KRT85: variants seen among roughly 807,000 people sequenced by gnomAD.
The protein encoded by KRT85 is keratin 85, also known as keratin, type II cuticular Hb5.
Under a neutral mutation model 53.7 loss-of-function variants are expected in KRT85, and 39 were observed. The ratio of observed to expected loss-of-function variants is 0.73; its 90% CI spans 0.56 to 0.95. The LOEUF (loss-of-function observed/expected upper bound fraction) is 0.95. Among genes scored for constraint, KRT85 ranks in the 40% least tolerant of loss-of-function variants. KRT85 has a pLI of 0.00. For missense variants in KRT85, 668 were observed against 686.0 expected (o/e 0.97, Z 0.29); for synonymous variants, 291 against 277.5 (o/e 1.05, Z -0.48).
chr12:52,366,834 G>C, intron 1 of KRT85, 152 bp downstream of exon 1: 1 of 1,313,328 alleles, frequency 7.6e-7, no homozygotes, highest in South Asian at 1.2e-5. Flanking sequence ...GGAGTTAAGT[G>C]ATGGAAACTG....
At position 52,363,550 on chromosome 12, in the gene KRT85, A is replaced by G. The variant is rs983468380; in HGVS notation, c.787-140T>C. ...ACTCCTGCTCCTACCACCTTCACTC[A>G]TGCACAGGCTCCTTAAAAACAACAA... On this transcript the variant is annotated intron_variant, in intron 4 of 8. Coordinates refer to ENST00000257901, the MANE Select transcript of KRT85 (RefSeq NM_002283.4). 3 of 875,928 alleles carry G rather than the reference A, an allele frequency of 3.4e-6. No individual in the cohort carries two copies. The African/African-American group carries it at 5.0e-5, about 15-fold the overall frequency. The allele number at this position is 875,928 out of a possible 1,614,324, so 54.3% of individuals were successfully genotyped here. A position where few individuals can be genotyped will look rare whatever the true frequency, so the allele number is the denominator to read the frequency against.
rs1479721796 is a variant in KRT85, at chr12:52,364,134, T to C, written c.720A>G (p.Ser240=). 6.2e-7 allele frequency: 1 copy of C among 1,614,178 alleles called. No individual in the cohort carries two copies. Among genetic ancestry groups the C allele is most frequent in the South Asian group, 1.1e-5 (1 of 91,078 alleles). ...KDVDCAYLRK[S]DLEANVEALV... Reference sequence around the variant, plus strand: ...GGGCCTCCACATTGGCCTCCAGGTCTGATTTCCGCAGGTAGGCACAGTCCA... The same window carrying C: ...GGGCCTCCACATTGGCCTCCAGGTCCGATTTCCGCAGGTAGGCACAGTCCA... Residue 240 remains serine (S), a synonymous_variant, in exon 4 of 9, where the codon TCA becomes TCG. Transcript: ENST00000257901.
chr12:52,360,530 C>T lies in KRT85; in HGVS notation c.*323G>A, dbSNP rs570560873. 1.0e-5 allele frequency: 4 copies of T among 381,088 alleles called. No homozygotes were observed. In the Admixed American group the frequency reaches 1.6e-4, roughly 15 times the overall value. The allele number at this position is 381,088 out of a possible 1,614,324, so 23.6% of individuals were successfully genotyped here. On this transcript the variant is annotated 3_prime_UTR_variant, in exon 9 of 9. Transcript: ENST00000257901. ...GAAGGTGGAGCTTCCGTGCTGACCA[C>T]CACGCTGGGGGACTGGTCTTGTCCC...
intron 7 of KRT85, 108 bp downstream of exon 7, chr12:52,362,143 T>G (rs1939199633): frequency 2.3e-6 from 3 of 1,319,172 alleles, no homozygotes; most frequent in Non-Finnish European, 3.3e-6. Context: ...TTGAAGCTAT[T>G]GTATTAGCCA....
At chr12:52,363,176 T>A in intron 5 of KRT85, 70 bp downstream of exon 5, 1 of 1,598,506 alleles carries the variant, frequency 6.3e-7, no homozygotes, top group Non-Finnish European at 8.6e-7. Context: ...GCAAGAGAAA[T>A]CTTTTCTAAT....
At chr12:52,364,011 C>T (rs1026997217) in intron 4 of KRT85, 57 bp downstream of exon 4, 8 of 1,328,402 alleles carry the variant, frequency 6.0e-6, no homozygotes, top group Non-Finnish European at 8.7e-6. Flanking sequence ...CTCACTGCTC[C>T]CCTGTCTCCA....
Position 52,365,063 on chromosome 12 carries a change from G to T in KRT85, c.528C>A (p.Ile176=). Residue 176 remains isoleucine (I), a synonymous_variant, in exon 2 of 9, where the codon ATC becomes ATA. Transcript: ENST00000257901. The stretch of plus-strand genomic sequence containing the variant: ...ACTCGGCCTCCCGCCGCAGAGTCTC[G>T]ATGTAGCCACTGAACAGTGGCTCCA... ...SNLEPLFSGY[I]ETLRREAECV... 1 of 1,613,838 alleles carries T rather than the reference G, an allele frequency of 6.2e-7. No homozygotes were observed. Among genetic ancestry groups the T allele is most frequent in the East Asian group, 2.2e-5 (1 of 44,886 alleles).
At chr12:52,362,212 C>T (rs1354674193) in intron 7 of KRT85, 39 bp downstream of exon 7, 4 of 1,613,974 alleles carry the variant, frequency 2.5e-6, no homozygotes, top group South Asian at 2.2e-5. Context: ...GGACCACAGC[C>T]TCCACCTCTG....
At chr12:52,366,857 G>C in intron 1 of KRT85, 129 bp downstream of exon 1, 1 of 1,478,040 alleles carries the variant, frequency 6.8e-7, no homozygotes, top group Non-Finnish European at 9.4e-7. Context: ...CCTTCCACCT[G>C]TATGGGTCTG....
chr12:52,360,669 C>T lies in KRT85; in HGVS notation c.*184G>A, dbSNP rs1316289733. 1 of 651,406 alleles carries T rather than the reference C, an allele frequency of 1.5e-6. No homozygotes were observed. The highest frequency in any genetic ancestry group is 4.2e-4 in the Middle Eastern group (1 of 2,384). The allele number at this position is 651,406 out of a possible 1,614,324, so 40.4% of individuals were successfully genotyped here. Reference sequence around the variant, plus strand: ...AGCTGCCAGGAGGACAACTAGGATGCATCTCCCTAGCATGAAAAGGCGCAG... The same window carrying T: ...AGCTGCCAGGAGGACAACTAGGATGTATCTCCCTAGCATGAAAAGGCGCAG... On this transcript the variant is annotated 3_prime_UTR_variant, in exon 9 of 9. Coordinates refer to ENST00000257901, the MANE Select transcript of KRT85 (RefSeq NM_002283.4).
At chr12:52,362,745 T>A in intron 6 of KRT85, 109 bp downstream of exon 6, 1 of 1,537,744 alleles carries the variant, frequency 6.5e-7, no homozygotes, top group Non-Finnish European at 9.0e-7. Flanking sequence ...ATAGAGCCCC[T>A]CCCTTCCCTC....
At position 52,364,375 on chromosome 12, in the gene KRT85, G is replaced by A; in HGVS notation, c.630-9C>T. On this transcript the variant is annotated splice_polypyrimidine_tract_variant and intron_variant, in intron 2 of 8. Coordinates refer to ENST00000257901, the MANE Select transcript of KRT85 (RefSeq NM_002283.4). ...CCACCTCCTCTTCATACCTGGGTGT[G>A]GGAGAGAGAAGGTCTGGAGCTGAGA... 1.9e-6 allele frequency: 3 copies of A among 1,614,184 alleles called. No individual in the cohort carries two copies. Among genetic ancestry groups the A allele is most frequent in the Non-Finnish European group, 2.5e-6 (3 of 1,180,046 alleles).
Position 52,360,636 on chromosome 12 carries a change from C to T in KRT85, c.*217G>A, listed in dbSNP as rs1939174729. ...GTTAAGTGAAGGGCTGGGAATGCCT[C>T]TGAAAACAGCTGCCAGGAGGACAAC... On this transcript the variant is annotated 3_prime_UTR_variant, in exon 9 of 9. Coordinates refer to ENST00000257901, the MANE Select transcript of KRT85 (RefSeq NM_002283.4). 6.6e-6 allele frequency: 4 copies of T among 605,668 alleles called. No homozygotes were observed. The Admixed American group carries it at 8.5e-5, about 13-fold the overall frequency. The allele number at this position is 605,668 out of a possible 1,614,324, so 37.5% of individuals were successfully genotyped here. A position where few individuals can be genotyped will look rare whatever the true frequency, so the allele number is the denominator to read the frequency against.
intron 1 of KRT85, 34 bp from the exon 2 acceptor site, chr12:52,365,204 A>T: frequency 6.2e-7 from 1 of 1,610,488 alleles, no homozygotes; most frequent in Non-Finnish European, 8.5e-7. Context: ...AGTCAGAGGG[A>T]GCCTGGGGGG....
intron 5 of KRT85, 95 bp from the exon 6 acceptor site, chr12:52,363,074 C>G: frequency 6.3e-7 from 1 of 1,596,806 alleles, no homozygotes; most frequent in Non-Finnish European, 8.6e-7. Context: ...GGTGCTCAGC[C>G]TGTGCAACCA....
At chr12:52,363,009 C>T in intron 5 of KRT85, 30 bp from the exon 6 acceptor site, 1 of 1,614,096 alleles carries the variant, frequency 6.2e-7, no homozygotes, top group Non-Finnish European at 8.5e-7. Flanking sequence ...TCATGAGGCT[C>T]AGGGTGGGGC....
Position 52,367,142 on chromosome 12 carries a change from G to A in KRT85, c.264C>T (p.Cys88=), listed in dbSNP as rs752019609. The A allele has an allele frequency of 4.3e-6, 7 of 1,613,458 alleles. No individual in the cohort carries two copies. The highest frequency in any genetic ancestry group is 5.9e-6 in the Non-Finnish European group (7 of 1,180,024). Residue 88 remains cysteine, a synonymous_variant, in exon 1 of 9, where the codon TGC becomes TGT. Transcript: ENST00000257901. ...RSFGYRSGGV[C]GPSPPCITTV... is the part of the protein sequence containing the mutation. ...TAGTGATGCATGGGGGGCTGGGTCC[G>A]CACACGCCCCCGGAGCGGTAGCCGA...
intron 8 of KRT85, 31 bp downstream of exon 8, chr12:52,361,436 T>G: frequency 6.2e-7 from 1 of 1,611,502 alleles, no homozygotes; most frequent in East Asian, 2.2e-5. Flanking sequence ...AAAAAGCCAT[T>G]TTTCCAGGAG....
At position 52,360,851 on chromosome 12, in the gene KRT85, T is replaced by C. The variant is rs1488138716; in HGVS notation, c.*2A>G. 2 of 1,612,218 alleles carry C rather than the reference T, an allele frequency of 1.2e-6. No homozygotes were observed. The highest frequency in any genetic ancestry group is 1.3e-5 in the African/African-American group (1 of 75,002). ...GCAGGAAGCCCTGGCTCCATGACTC[T>C]ACTAGGCAAAGCGGACCGACCGGCT... is the stretch of plus-strand genomic sequence containing the variant. On this transcript the variant is annotated 3_prime_UTR_variant, in exon 9 of 9. Coordinates refer to ENST00000257901, the MANE Select transcript of KRT85 (RefSeq NM_002283.4).
Sources: gnomAD v4.1 joint callset for allele counts on GRCh38, gnomAD v4.1.1 for gene constraint, MANE v1.5 for transcripts, NCBI Gene and HGNC (gene_info 2026-07-23, HGNC 2026-07-21) for gene names.